GRIN2A: variants seen among roughly 807,000 people sequenced by gnomAD.
GRIN2A encodes the protein glutamate ionotropic receptor NMDA type subunit 2A, also known as glutamate receptor ionotropic, NMDA 2A.
In GRIN2A, 22 loss-of-function variants were observed where a neutral mutation model predicts 113.4. That is an observed-to-expected ratio of 0.19 (90% CI 0.14 to 0.28). The LOEUF (loss-of-function observed/expected upper bound fraction) is 0.28, where lower values mean the gene tolerates loss of function less well. GRIN2A is among the 10% of genes least tolerant of loss of function. The probability of loss-of-function intolerance (pLI) is 1.00; values close to 1 mark genes in which losing one functional copy is unlikely to be tolerated. For synonymous variants in GRIN2A, 827 were observed against 738.4 expected (o/e 1.12, Z -1.94); for missense variants, 1,502 against 1,887.0 (o/e 0.80, Z 3.78).
intron 2 of GRIN2A, among the ~76,000 whole-genome samples, chr16:10,028,495 A>G (rs1162170640): frequency 6.6e-6 from 1 of 152,180 alleles, no homozygotes; most frequent in Non-Finnish European, 1.5e-5. Flanking sequence ...TTGGAGAGAT[A>G]GGACACCCTT....
intron 2 of GRIN2A, among the ~76,000 whole-genome samples, chr16:10,147,882 A>G (rs1097730): frequency 0.44 from 66,120 of 151,988 alleles, 16,258 homozygotes; most frequent in East Asian, 0.85. Flanking sequence ...TCTTTCCTCT[A>G]CGAACTCTGG....
intron 12 of GRIN2A, among the ~76,000 whole-genome samples, chr16:9,767,734 CTGT>C (rs1009899019): frequency 1.6e-4 from 24 of 152,252 alleles, no homozygotes; most frequent in East Asian, 7.7e-4. Flanking sequence ...GTATTTTGTG[CTGT>C]TGTTTATGTT....
intron 2 of GRIN2A, among the ~76,000 whole-genome samples, chr16:10,074,536 A>T (rs1567279819): frequency 1.3e-5 from 2 of 152,248 alleles, no homozygotes; most frequent in Admixed American, 1.3e-4. Flanking sequence ...ATTCAATGGA[A>T]TGTTATACAC....
chr16:9,862,235 A>G (rs1247577638), intron 4 of GRIN2A, among the ~76,000 whole-genome samples: 2 of 152,250 alleles, frequency 1.3e-5, no homozygotes, highest in Non-Finnish European at 2.9e-5. Context: ...AATGAGTTTA[A>G]TCAGCTATTA....
chr16:9,968,374 T>C (rs12934062), intron 2 of GRIN2A, among the ~76,000 whole-genome samples: 100,756 of 152,056 alleles, frequency 0.66, 34,596 homozygotes, highest in African/African-American at 0.78. Context: ...AGTGCAATGG[T>C]ACGATCTTGG....
intron 2 of GRIN2A, among the ~76,000 whole-genome samples, chr16:10,143,022 G>C (rs1291842265): frequency 6.6e-6 from 1 of 152,202 alleles, no homozygotes; most frequent in East Asian, 1.9e-4. Flanking sequence ...ACTTAGGATA[G>C]ATTACCTTAA....
intron 2 of GRIN2A, among the ~76,000 whole-genome samples, chr16:10,046,874 GT>G (rs1444679587): frequency 2.0e-5 from 3 of 152,162 alleles, no homozygotes; most frequent in African/African-American, 7.2e-5. Context: ...TTCAGCTAAC[GT>G]TTATTAAGCC....
At chr16:9,803,627 A>ATACTT (rs1387997614) in intron 10 of GRIN2A, among the ~76,000 whole-genome samples, 2 of 152,232 alleles carry the variant, frequency 1.3e-5, no homozygotes, top group Non-Finnish European at 2.9e-5. Flanking sequence ...CCAGTTCTGC[A>ATACTT]TACTTTATAT....
At chr16:9,987,185 A>G (rs2045993654) in intron 2 of GRIN2A, among the ~76,000 whole-genome samples, 4 of 152,214 alleles carry the variant, frequency 2.6e-5, no homozygotes, top group South Asian at 4.1e-4. Flanking sequence ...CAACCAGATT[A>G]CTAATTATGA....
chr16:9,999,366 G>C (rs941055463), intron 2 of GRIN2A, among the ~76,000 whole-genome samples: 1 of 152,170 alleles, frequency 6.6e-6, no homozygotes, highest in Admixed American at 6.6e-5. Flanking sequence ...AATGAGACTG[G>C]ATAAAGAAAA....
chr16:10,155,542 A>G (rs1471045129), intron 2 of GRIN2A, among the ~76,000 whole-genome samples: 11 of 152,156 alleles, frequency 7.2e-5, no homozygotes, highest in Non-Finnish European at 5.9e-5. Flanking sequence ...TGACTGCAAT[A>G]CCATCCATGA....
intron 2 of GRIN2A, among the ~76,000 whole-genome samples, chr16:10,125,041 T>C (rs1567316477): frequency 6.6e-6 from 1 of 152,096 alleles, no homozygotes. Flanking sequence ...AAAAAGCACG[T>C]AGTGCCCAAA....
At chr16:10,109,633 A>C (rs2048571722) in intron 2 of GRIN2A, among the ~76,000 whole-genome samples, 1 of 96,738 alleles carries the variant, frequency 1.0e-5, no homozygotes, top group South Asian at 3.2e-4. Flanking sequence ...ACCAGATTAC[A>C]AAAAAAAAAA....
chr16:10,020,909 C>T (rs1043849586), intron 2 of GRIN2A, among the ~76,000 whole-genome samples: 2 of 152,200 alleles, frequency 1.3e-5, no homozygotes, highest in African/African-American at 4.8e-5. Flanking sequence ...AACTGAGATG[C>T]TGTACGTCTT....
chr16:9,932,148 T>C (rs1046476236), intron 3 of GRIN2A, among the ~76,000 whole-genome samples: 1 of 152,230 alleles, frequency 6.6e-6, no homozygotes, highest in East Asian at 1.9e-4. Context: ...GCCTCTACTA[T>C]GGAATATTCC....
intron 11 of GRIN2A, among the ~76,000 whole-genome samples, chr16:9,795,808 G>T (rs1322761292): frequency 6.6e-6 from 1 of 152,212 alleles, no homozygotes; most frequent in Non-Finnish European, 1.5e-5. Flanking sequence ...AAATGGGACA[G>T]TAGATTTAGT....
chr16:10,122,070 A>G (rs917327182), intron 2 of GRIN2A, among the ~76,000 whole-genome samples: 1 of 152,216 alleles, frequency 6.6e-6, no homozygotes, highest in African/African-American at 2.4e-5. Context: ...ACTGAAGTTT[A>G]TTCAGCGCCC....
chr16:9,884,753 T>TC (rs1424226757), intron 4 of GRIN2A, among the ~76,000 whole-genome samples: 2 of 88,532 alleles, frequency 2.3e-5, no homozygotes, highest in African/African-American at 8.8e-5. Flanking sequence ...AGAATTTCTT[T>TC]TTTTTTTTTT....
intron 3 of GRIN2A, among the ~76,000 whole-genome samples, chr16:9,891,341 G>C (rs1306205670): frequency 6.6e-6 from 1 of 152,132 alleles, no homozygotes; most frequent in Non-Finnish European, 1.5e-5. Flanking sequence ...CAGATTCATA[G>C]ACCTATATTC....
Sources: allele counts gnomAD v4.1 joint callset (sites outside exome capture counted in the v4.1 genomes callset), GRCh38; gene constraint gnomAD v4.1.1; transcripts MANE v1.5; gene names NCBI Gene and HGNC (gene_info 2026-07-23, HGNC 2026-07-21).